The following STAG1 variants were observed in gnomAD, a reference collection of about 807,000 sequenced individuals.
STAG1 encodes the protein STAG1 cohesin complex component, also known as cohesin subunit SA-1.
STAG1 carries 26 observed loss-of-function variants against 170.9 expected under a neutral mutation model. The ratio of observed to expected loss-of-function variants is 0.15; its 90% CI spans 0.11 to 0.21. The LOEUF is 0.21. Among genes scored for constraint, STAG1 ranks in the 10% least tolerant of loss-of-function variants. The pLI, the probability that STAG1 is intolerant of heterozygous loss-of-function variation, is 1.00. For synonymous variants in STAG1, 514 were observed against 497.7 expected, an observed-to-expected ratio of 1.03 and a Z score of -0.44; for missense variants, 964 against 1,509.5, an observed-to-expected ratio of 0.64 and a Z score of 5.99.
chr3:136,395,023 G>A (rs914584812), intron 22 of STAG1, among the ~76,000 whole-genome samples: 2 of 151,494 alleles, frequency 1.3e-5, no homozygotes, highest in Non-Finnish European at 2.9e-5. Flanking sequence ...GAGGTGGGAG[G>A]ATCACCTGAG....
intron 6 of STAG1, among the ~76,000 whole-genome samples, chr3:136,523,527 T>C (rs2107910909): frequency 6.6e-6 from 1 of 152,342 alleles, no homozygotes; most frequent in South Asian, 2.1e-4. Context: ...GCAAAAATCT[T>C]CTCCCATTCT....
intron 12 of STAG1, 47 bp downstream of exon 12, chr3:136,472,365 AG>A: frequency 1.5e-6 from 2 of 1,366,326 alleles, no homozygotes; most frequent in Non-Finnish European, 2.1e-6. Flanking sequence ...CCTGGGGAAA[AG>A]GTATTAAAAT....
chr3:136,637,433 T>C (rs916175354), intron 1 of STAG1, among the ~76,000 whole-genome samples: 1 of 152,212 alleles, frequency 6.6e-6, no homozygotes, highest in Non-Finnish European at 1.5e-5. Context: ...AACTGAATGA[T>C]GTGCTCAATG....
intron 12 of STAG1, among the ~76,000 whole-genome samples, chr3:136,472,205 T>A (rs1243778870): frequency 6.6e-6 from 1 of 152,100 alleles, no homozygotes. Context: ...AAATAATTTT[T>A]ATGTGGAAGA....
At chr3:136,502,892 C>T in intron 7 of STAG1, 113 bp from the exon 8 acceptor site, 1 of 780,188 alleles carries the variant, frequency 1.3e-6, no homozygotes, top group African/African-American at 1.8e-5. Context: ...TTCTGTTTTA[C>T]AACCCAGGCA....
intron 23 of STAG1, among the ~76,000 whole-genome samples, chr3:136,376,884 G>C (rs1254976186): frequency 6.6e-6 from 1 of 151,586 alleles, no homozygotes; most frequent in African/African-American, 2.4e-5. Context: ...TCTGTCTCCC[G>C]GGTTCATGCG....
chr3:136,469,423 A>C lies in STAG1; in HGVS notation c.1205+2990T>G, dbSNP rs571119576. On this transcript the variant is annotated intron_variant, in intron 12 of 33. Coordinates refer to ENST00000383202, the MANE Select transcript of STAG1 (RefSeq NM_005862.3). ...AATAAAATACCTAGGAATCCAACTTACAAGGGATGTGAAGGACCTCTTCAA... is the reference window on the plus strand; with the variant it reads ...AATAAAATACCTAGGAATCCAACTTCCAAGGGATGTGAAGGACCTCTTCAA... 4.8e-4 allele frequency among the ~76,000 whole-genome samples: 73 copies of C among 152,338 alleles called. 1 individual carries two copies. In the East Asian group the frequency reaches 0.013, roughly 27 times the overall value.
At chr3:136,421,382 A>G (rs1265765481) in intron 19 of STAG1, among the ~76,000 whole-genome samples, 3 of 152,216 alleles carry the variant, frequency 2.0e-5, no homozygotes, top group African/African-American at 4.8e-5. Context: ...ATGACTTTGA[A>G]AAGTTTTCTG....
At chr3:136,747,093 T>TTAAAAAAAA (rs1246647616) in intron 1 of STAG1, among the ~76,000 whole-genome samples, 1 of 59,340 alleles carries the variant, frequency 1.7e-5, no homozygotes, top group African/African-American at 8.3e-5. Context: ...TGAAACTGTC[T>TTAAAAAAAA]AAAAAAAAAA....
chr3:136,617,925 T>C (rs1200400317), intron 3 of STAG1, among the ~76,000 whole-genome samples: 3 of 152,252 alleles, frequency 2.0e-5, no homozygotes, highest in Non-Finnish European at 4.4e-5. Context: ...CCAATTTTTA[T>C]AAGTGACCTG....
intron 6 of STAG1, among the ~76,000 whole-genome samples, chr3:136,535,648 G>A (rs746811605): frequency 6.6e-6 from 1 of 152,006 alleles, no homozygotes; most frequent in African/African-American, 2.4e-5. Flanking sequence ...AGGCAACAAA[G>A]TGAGACTCTG....
chr3:136,534,100 C>A (rs1935507125), intron 6 of STAG1, among the ~76,000 whole-genome samples: 2 of 152,096 alleles, frequency 1.3e-5, no homozygotes, highest in Admixed American at 6.6e-5. Context: ...AGAAATAAAT[C>A]CACATATTTA....
At chr3:136,720,920 A>C (rs565522096) in intron 1 of STAG1, among the ~76,000 whole-genome samples, 2 of 152,370 alleles carry the variant, frequency 1.3e-5, no homozygotes, top group South Asian at 4.1e-4. Context: ...GCTAGCCAAT[A>C]TGCTCTGAGA....
chr3:136,403,266 A>G (rs2087389209), intron 21 of STAG1, among the ~76,000 whole-genome samples: 1 of 149,490 alleles, frequency 6.7e-6, no homozygotes, highest in South Asian at 2.1e-4. Flanking sequence ...AAAGAAAAGA[A>G]AAAAAAAAGA....
chr3:136,747,122 A>AAAAAAAAC (rs1934978508), intron 1 of STAG1, among the ~76,000 whole-genome samples: 1 of 143,748 alleles, frequency 7.0e-6, no homozygotes, highest in African/African-American at 2.5e-5. Flanking sequence ...AAAAAAAAAA[A>AAAAAAAAC]ATTAGCCGGG....
In STAG1 at chr3:136,573,278, T is replaced by C. The variant is rs577363464; in HGVS notation, c.298-4417A>G. ...CAGAGAATGGCAACTGTTAGAAGCATTGCCAAGTATGGGCATAGGTGGGTG... is the reference window on the plus strand; with the variant it reads ...CAGAGAATGGCAACTGTTAGAAGCACTGCCAAGTATGGGCATAGGTGGGTG... On this transcript the variant is annotated intron_variant, in intron 4 of 33. Coordinates refer to ENST00000383202, the MANE Select transcript of STAG1 (RefSeq NM_005862.3). 1.9e-3 allele frequency among the ~76,000 whole-genome samples: 283 copies of C among 152,162 alleles called. 1 individual carries two copies. The highest frequency in any genetic ancestry group is 5.8e-3 in the African/African-American group (241 of 41,514).
At chr3:136,708,764 CCT>C (rs1379333530) in intron 1 of STAG1, among the ~76,000 whole-genome samples, 3 of 152,024 alleles carry the variant, frequency 2.0e-5, no homozygotes, top group African/African-American at 7.2e-5. Flanking sequence ...TAGTTTCACC[CCT>C]CCCATCCCAT....
Position 136,651,376 on chromosome 3 carries a change from T to TAAA in STAG1, c.-83-20398_-83-20396dup, listed in dbSNP as rs57372663. The stretch of plus-strand genomic sequence containing the variant: ...GCAAGACCCTATCTCACCAAAAATT[T>TAAA]AAAAAAAAAAAAAAAAAAGAATCAT... On this transcript the variant is annotated intron_variant, in intron 1 of 33. Transcript: ENST00000383202. 4.6e-3 allele frequency among the ~76,000 whole-genome samples: 567 copies of TAAA among 121,978 alleles called. 4 individuals carry two copies. Among genetic ancestry groups the TAAA allele is most frequent in the Non-Finnish European group, 5.8e-3 (336 of 57,560 alleles). The allele number at this position is 121,978 out of a possible 152,430, so 80.0% of individuals were successfully genotyped here.
chr3:136,644,863 G>C (rs1940943300), intron 1 of STAG1, among the ~76,000 whole-genome samples: 1 of 152,070 alleles, frequency 6.6e-6, no homozygotes, highest in Admixed American at 6.6e-5. Flanking sequence ...TGGGACTATA[G>C]GCACCTGCCA....
Sources: allele counts gnomAD v4.1 joint callset (sites outside exome capture counted in the v4.1 genomes callset), GRCh38; gene constraint gnomAD v4.1.1; transcripts MANE v1.5; gene names NCBI Gene and HGNC (gene_info 2026-07-23, HGNC 2026-07-21).